The following SYNJ2 variants were observed in gnomAD, a reference collection of about 807,000 sequenced individuals.
SYNJ2 encodes synaptojanin 2.
In SYNJ2, 116 loss-of-function variants were observed where a neutral mutation model predicts 141.3. That is an observed-to-expected ratio of 0.82 (90% CI 0.71 to 0.96). The LOEUF is 0.96. Ranked by LOEUF, SYNJ2 falls within the 40% of genes least tolerant of loss-of-function variation. The pLI is 0.00. For synonymous variants in SYNJ2, 745 were observed against 777.7 expected (o/e 0.96, Z 0.70); for missense variants, 1,873 against 1,934.8 (o/e 0.97, Z 0.60).
intron 1 of SYNJ2, among the ~76,000 whole-genome samples, chr6:157,999,521 T>C (rs1375654332): frequency 6.6e-6 from 1 of 152,212 alleles, no homozygotes; most frequent in African/African-American, 2.4e-5. Context: ...AGCACCCCTG[T>C]GTAGCTTCCA....
intron 2 of SYNJ2, among the ~76,000 whole-genome samples, chr6:158,021,135 G>T (rs1778747055): frequency 6.6e-6 from 1 of 152,140 alleles, no homozygotes; most frequent in Non-Finnish European, 1.5e-5. Context: ...TTGAACCCAA[G>T]CTCTCAAGGC....
chr6:158,000,891 C>T (rs1274621578), intron 1 of SYNJ2, among the ~76,000 whole-genome samples: 2 of 152,132 alleles, frequency 1.3e-5, no homozygotes, highest in Non-Finnish European at 2.9e-5. Flanking sequence ...GCTCCTCTTC[C>T]CTCCGTAGGA....
At chr6:157,988,384 G>T (rs1777287576) in intron 1 of SYNJ2, among the ~76,000 whole-genome samples, 5 of 152,194 alleles carry the variant, frequency 3.3e-5, no homozygotes, top group Non-Finnish European at 7.3e-5. Context: ...TTCGAGGTAG[G>T]AGGATAGAAC....
At chr6:158,062,776 C>G (rs560482027) in intron 8 of SYNJ2, among the ~76,000 whole-genome samples, 1 of 152,210 alleles carries the variant, frequency 6.6e-6, no homozygotes, top group Non-Finnish European at 1.5e-5. Context: ...TTTAAATACT[C>G]TGGCCTCGTA....
At chr6:158,069,869 C>T (rs1029664630) in intron 14 of SYNJ2, among the ~76,000 whole-genome samples, 196 bp downstream of exon 14, 3 of 152,138 alleles carry the variant, frequency 2.0e-5, no homozygotes, top group African/African-American at 7.2e-5. Flanking sequence ...TAAAAAGCCA[C>T]CATGGGAAAT....
Position 158,078,157 on chromosome 6 carries a change from C to T in SYNJ2, c.2450-7C>T, listed in dbSNP as rs758632484. On this transcript the variant is annotated splice_region_variant and splice_polypyrimidine_tract_variant and intron_variant, in intron 17 of 26. Transcript: ENST00000355585. ...ATGGGTCTCTCGAATGGAACCCCTGCGAGTAGCTGGAGAACTCAACCTTCT... is the reference window on the plus strand; with the variant it reads ...ATGGGTCTCTCGAATGGAACCCCTGTGAGTAGCTGGAGAACTCAACCTTCT... 7.6e-6 allele frequency: 12 copies of T among 1,584,440 alleles called. No individual in the cohort carries two copies. The Admixed American group carries it at 1.0e-4, about 13-fold the overall frequency.
Position 158,019,875 on chromosome 6 carries a change from T to C in SYNJ2, c.214+2585T>C, listed in dbSNP as rs118143776. ...AGGATTGGGCTTTAAATCAAGTTTT[T>C]TCAGTCCCCATTGGTTATCTTAAGG... On this transcript the variant is annotated intron_variant, in intron 2 of 26. Coordinates refer to ENST00000355585, the MANE Select transcript of SYNJ2 (RefSeq NM_003898.4). 2.6e-4 allele frequency among the ~76,000 whole-genome samples: 39 copies of C among 152,392 alleles called. 1 individual carries two copies. The East Asian group carries it at 7.3e-3, about 29-fold the overall frequency.
At position 158,027,408 on chromosome 6, in the gene SYNJ2, G is replaced by A. The variant is rs914212297; in HGVS notation, c.215-1348G>A. 3.8e-5 allele frequency: 7 copies of A among 182,484 alleles called. No individual in the cohort carries two copies. Among genetic ancestry groups the A allele is most frequent in the South Asian group, 1.8e-4 (1 of 5,426 alleles). The allele number at this position is 182,484 out of a possible 1,614,324, so 11.3% of individuals were successfully genotyped here. ...CCGATGATCTCTTGGGCCCCGTCCC[G>A]AGAGTGAGGCACGGCGCCACCAGGC... On this transcript the variant is annotated intron_variant, in intron 2 of 26. Coordinates refer to ENST00000355585, the MANE Select transcript of SYNJ2 (RefSeq NM_003898.4). The surrounding 1 kb of genome is among the most constrained non-coding windows in gnomAD (Gnocchi z 4.6).
chr6:158,086,861 C>T lies in SYNJ2; in HGVS notation c.3215C>T (p.Ala1072Val), dbSNP rs200417174. The T allele has an allele frequency of 3.7e-6, 6 of 1,611,662 alleles. No individual in the cohort carries two copies. The South Asian group carries it at 4.4e-5, about 12-fold the overall frequency. ...KKQHPTYKDDADLVELKRELE... is the reference protein window; with the variant it reads ...KKQHPTYKDDVDLVELKRELE... ...GCCCCGCCATGTCCTCCAGATGACG[C>T]GGACCTGGTGGAGCTCAAGCGGGAG... The change falls in exon 23 of 27, where the codon GCG (alanine) becomes GTG (valine). Residue 1072 changes from alanine (A) to valine (V), a missense_variant. Transcript: ENST00000355585.
At chr6:158,066,260 A>G (rs1393869387) in intron 11 of SYNJ2, among the ~76,000 whole-genome samples, 184 bp from the exon 12 acceptor site, 1 of 152,132 alleles carries the variant, frequency 6.6e-6, no homozygotes, top group Non-Finnish European at 1.5e-5. Context: ...TAGAAATGCC[A>G]TAAGGGAAGC....
chr6:158,008,575 C>T (rs1039804688), intron 1 of SYNJ2, among the ~76,000 whole-genome samples: 5 of 152,158 alleles, frequency 3.3e-5, no homozygotes, highest in Admixed American at 2.0e-4. Context: ...AGTGAGTAGC[C>T]TGGGCGTGGG....
At chr6:158,004,364 G>T (rs1423013889) in intron 1 of SYNJ2, among the ~76,000 whole-genome samples, 1 of 152,176 alleles carries the variant, frequency 6.6e-6, no homozygotes, top group Non-Finnish European at 1.5e-5. Flanking sequence ...AGATGGCAAT[G>T]AAAGTGACGT....
intron 3 of SYNJ2, among the ~76,000 whole-genome samples, chr6:158,031,247 C>T (rs571355702): frequency 2.0e-5 from 3 of 152,330 alleles, no homozygotes; most frequent in South Asian, 2.1e-4. Flanking sequence ...GAGGTGAGAG[C>T]TCTCAGCGGC....
At chr6:158,051,823 G>C (rs914156639) in intron 5 of SYNJ2, among the ~76,000 whole-genome samples, 23 of 151,450 alleles carry the variant, frequency 1.5e-4, no homozygotes, top group Admixed American at 3.3e-4. Flanking sequence ...AGGTGTTGTA[G>C]TGTACACTTG....
chr6:158,069,208 T>TC (rs1247269954), intron 13 of SYNJ2, among the ~76,000 whole-genome samples: 1 of 151,702 alleles, frequency 6.6e-6, no homozygotes, highest in Non-Finnish European at 1.5e-5. Flanking sequence ...AACTGGGCGC[T>TC]CCCCCCACCC....
At chr6:158,047,899 G>T (rs1252473351) in intron 5 of SYNJ2, among the ~76,000 whole-genome samples, 1 of 150,478 alleles carries the variant, frequency 6.6e-6, no homozygotes, top group African/African-American at 2.4e-5. Flanking sequence ...TAAAACCAAT[G>T]GTGGCATCCG....
intron 26 of SYNJ2, 144 bp from the exon 27 acceptor site, chr6:158,095,474 G>C: frequency 1.9e-6 from 2 of 1,060,820 alleles, no homozygotes; most frequent in Non-Finnish European, 1.3e-6. Context: ...CACATTTCTG[G>C]CACCCCACAC....
In SYNJ2 at chr6:158,093,021, C is replaced by T. The variant is rs772883851; in HGVS notation, c.3661C>T (p.Pro1221Ser). 1.9e-6 allele frequency: 3 copies of T among 1,612,946 alleles called. No homozygotes were observed. The South Asian group carries it at 3.3e-5, about 18-fold the overall frequency. Reference protein sequence around the residue: ...PTPGAAKPETPQAPPLLPRRP... With the variant: ...PTPGAAKPETSQAPPLLPRRP... Reference sequence around the variant, plus strand: ...ACCGGGGGCAGCCAAACCAGAGACCCCACAGGCGCCCCCACTCCTTCCCCG... The same window carrying T: ...ACCGGGGGCAGCCAAACCAGAGACCTCACAGGCGCCCCCACTCCTTCCCCG... The change falls in exon 26 of 27, where the codon CCA becomes TCA. Residue 1221 changes from proline to serine, a missense_variant. Transcript: ENST00000355585.
chr6:158,046,193 G>A (rs1380026664), intron 5 of SYNJ2, among the ~76,000 whole-genome samples: 3 of 151,984 alleles, frequency 2.0e-5, no homozygotes, highest in Admixed American at 6.6e-5. Flanking sequence ...TGATCTGCCC[G>A]CTTCGGCCTC....
Sources: allele counts gnomAD v4.1 joint callset (sites outside exome capture counted in the v4.1 genomes callset), GRCh38; gene constraint gnomAD v4.1.1; non-coding constraint Gnocchi (gnomAD v3.1); transcripts MANE v1.5; gene names NCBI Gene and HGNC (gene_info 2026-07-23, HGNC 2026-07-21).